Variants in PCDH15 observed in about 807,000 individuals in gnomAD.
PCDH15 encodes the protein protocadherin related 15, also known as protocadherin-15.
Under a neutral mutation model 178.5 loss-of-function variants are expected in PCDH15, and 129 were observed. The ratio of observed to expected loss-of-function variants is 0.72; its 90% CI spans 0.63 to 0.84. PCDH15 has a LOEUF of 0.84. Ranked by LOEUF, PCDH15 falls within the 40% of genes least tolerant of loss-of-function variation. The pLI is 0.00. For synonymous variants in PCDH15, 800 were observed against 732.0 expected, an observed-to-expected ratio of 1.09 and a Z score of -1.50; for missense variants, 2,230 against 2,099.9, an observed-to-expected ratio of 1.06 and a Z score of -1.21.
intron 9 of PCDH15, among the ~76,000 whole-genome samples, chr10:54,232,462 A>G (rs75120932): frequency 0.055 from 8,300 of 152,282 alleles, 558 homozygotes; most frequent in African/African-American, 0.17. Context: ...AACACAGAAG[A>G]GGTATTAAAT....
At chr10:55,419,748 T>A (rs1017371668) in intron 2 of PCDH15, among the ~76,000 whole-genome samples, 1 of 151,790 alleles carries the variant, frequency 6.6e-6, no homozygotes, top group Non-Finnish European at 1.5e-5. Flanking sequence ...TTATCTATAG[T>A]TGCTTTAGGG....
At chr10:54,624,774 C>A (rs80312029) in intron 2 of PCDH15, among the ~76,000 whole-genome samples, 400 of 152,210 alleles carry the variant, frequency 2.6e-3, no homozygotes, top group African/African-American at 9.4e-3. Flanking sequence ...GTAGTGCAAA[C>A]CTTATTGTGA....
chr10:54,996,796 T>C (rs765230048), intron 2 of PCDH15, among the ~76,000 whole-genome samples: 20 of 152,044 alleles, frequency 1.3e-4, no homozygotes, highest in Non-Finnish European at 2.4e-4. Flanking sequence ...CTTTGGAGTC[T>C]GGGGAGGTTT....
chr10:54,635,133 T>G (rs968413012), intron 2 of PCDH15, among the ~76,000 whole-genome samples: 2 of 148,492 alleles, frequency 1.3e-5, no homozygotes, highest in African/African-American at 4.9e-5. Context: ...TAGTTTTTCT[T>G]GTTTTTGAAA....
intron 18 of PCDH15, 75 bp from the exon 19 acceptor site, chr10:54,023,272 A>G (rs562845862): frequency 2.1e-6 from 3 of 1,395,848 alleles, no homozygotes; most frequent in Non-Finnish European, 3.0e-6. Context: ...GTAACAGTTA[A>G]CAAATTATGG....
intron 2 of PCDH15, among the ~76,000 whole-genome samples, chr10:55,341,793 ATATATATATATATTTTTTT>A (rs1479605126): frequency 3.1e-4 from 4 of 12,896 alleles, no homozygotes; most frequent in South Asian, 4.8e-3. Context: ...ATATATATAT[ATATATATATATATTTTTTT>A]TTTTTTTTTT....
intron 9 of PCDH15, among the ~76,000 whole-genome samples, chr10:54,219,795 T>C (rs1366621999): frequency 6.6e-6 from 1 of 151,904 alleles, no homozygotes; most frequent in African/African-American, 2.4e-5. Context: ...TAAATAAGGA[T>C]TGTTATACTT....
chr10:54,047,745 G>T (rs1196783644), intron 18 of PCDH15, among the ~76,000 whole-genome samples: 1 of 152,020 alleles, frequency 6.6e-6, no homozygotes, highest in Non-Finnish European at 1.5e-5. Flanking sequence ...CAAATGACAT[G>T]ATTTCATTTT....
intron 2 of PCDH15, among the ~76,000 whole-genome samples, chr10:54,921,104 C>T (rs936745655): frequency 6.6e-6 from 1 of 152,252 alleles, no homozygotes. Flanking sequence ...CTCTTTCACA[C>T]TTCTAAGATG....
chr10:55,107,890 T>A (rs1460319788), intron 2 of PCDH15, among the ~76,000 whole-genome samples: 1 of 152,120 alleles, frequency 6.6e-6, no homozygotes, highest in Non-Finnish European at 1.5e-5. Flanking sequence ...TAAATATACT[T>A]CTGTTATAGA....
At position 53,806,854 on chromosome 10, in the gene PCDH15, G is replaced by C; in HGVS notation, c.4948C>G (p.Pro1650Ala). 3.1e-6 allele frequency: 5 copies of C among 1,613,824 alleles called. No homozygotes were observed. Among genetic ancestry groups the C allele is most frequent in the Non-Finnish European group, 4.2e-6 (5 of 1,179,832 alleles). ...GGCCCCTTTGATAATGTGTTCAGAG[G>C]TACATTCTCCTCATGTGTCACTGCC... ...KLAVTHEENV[P>A]LNTLSKGPFS... Residue 1650 changes from proline (P) to alanine (A), a missense_variant, in exon 38 of 38, where the codon CCT becomes GCT. Pro to Ala is a conservative substitution (Grantham distance 27, BLOSUM62 -1). Transcript: ENST00000644397.
chr10:53,926,804 T>C (rs769371132), intron 25 of PCDH15, among the ~76,000 whole-genome samples: 5 of 152,034 alleles, frequency 3.3e-5, no homozygotes, highest in Non-Finnish European at 7.3e-5. Context: ...TGCATGTCTA[T>C]GTCTCTTGTA....
chr10:55,378,138 C>A (rs1480395974), intron 2 of PCDH15, among the ~76,000 whole-genome samples: 2 of 152,038 alleles, frequency 1.3e-5, no homozygotes, highest in African/African-American at 4.8e-5. Context: ...AGCAGACCAC[C>A]ATGGCACGTT....
At chr10:54,387,288 C>A (rs1950039466) in intron 3 of PCDH15, among the ~76,000 whole-genome samples, 1 of 152,108 alleles carries the variant, frequency 6.6e-6, no homozygotes, top group East Asian at 1.9e-4. Flanking sequence ...ATGTTCCTGG[C>A]AGCATCATTC....
intron 3 of PCDH15, among the ~76,000 whole-genome samples, chr10:54,399,470 A>C (rs1951667387): frequency 6.6e-6 from 1 of 152,104 alleles, no homozygotes; most frequent in Non-Finnish European, 1.5e-5. Context: ...TTCTCTGAAA[A>C]GAACTAAATT....
intron 2 of PCDH15, among the ~76,000 whole-genome samples, chr10:54,633,969 A>C (rs1447999262): frequency 6.6e-6 from 1 of 152,148 alleles, no homozygotes; most frequent in East Asian, 1.9e-4. Context: ...CTGATATGCC[A>C]AGATGCCCAT....
At chr10:54,633,195 AAGGGAGCCTGC>A (rs1356476789) in intron 2 of PCDH15, among the ~76,000 whole-genome samples, 1 of 152,048 alleles carries the variant, frequency 6.6e-6, no homozygotes, top group Non-Finnish European at 1.5e-5. Flanking sequence ...TAACCTGAAG[AAGGGAGCCTGC>A]ATAATCCTGA....
In PCDH15 at chr10:54,625,972, G is replaced by A. The variant is rs572271799; in HGVS notation, c.91+38200C>T. Among the ~76,000 whole-genome samples, 24 of 152,318 alleles carry A rather than the reference G, an allele frequency of 1.6e-4. No homozygotes were observed. In the South Asian group the frequency reaches 4.8e-3, roughly 30 times the overall value. On this transcript the variant is annotated intron_variant, in intron 2 of 37. Coordinates refer to ENST00000644397, the MANE Select transcript of PCDH15 (RefSeq NM_001384140.1). ...CCAGGCTGAGGTGGTCTCAGTTGGA[G>A]ATGAGGAACTTGTTGGAAACTGGAG... is the stretch of plus-strand genomic sequence containing the variant.
chr10:55,116,230 T>C (rs2132061151), intron 2 of PCDH15, among the ~76,000 whole-genome samples: 2 of 152,300 alleles, frequency 1.3e-5, no homozygotes, highest in African/African-American at 4.8e-5. Context: ...TATATTACTG[T>C]TTGATTTAAC....
Sources: allele counts gnomAD v4.1 joint callset (sites outside exome capture counted in the v4.1 genomes callset), GRCh38; gene constraint gnomAD v4.1.1; transcripts MANE v1.5; gene names NCBI Gene and HGNC (gene_info 2026-07-23, HGNC 2026-07-21).